The following OR5D3 variants were observed in gnomAD, a reference collection of about 807,000 sequenced individuals.
OR5D3 encodes the protein olfactory receptor family 5 subfamily D member 3.
chr11:55,727,952 G>C, the OR5D3 span: 7 of 151,938 alleles, frequency 4.6e-5, no homozygotes, highest in African/African-American at 1.5e-4. Flanking sequence ...CATTATTCAA[G>C]CATTAGTTAT....
At chr11:55,724,598 G>C in the OR5D3 span, among the ~76,000 whole-genome samples, 10 of 152,176 alleles carry the variant, frequency 6.6e-5, no homozygotes, top group African/African-American at 2.4e-4. Flanking sequence ...AAATGTGTTA[G>C]TGGTAATGAG....
the OR5D3 span, among the ~76,000 whole-genome samples, chr11:55,724,380 G>T: frequency 6.6e-6 from 1 of 152,036 alleles, no homozygotes; most frequent in Non-Finnish European, 1.5e-5. Flanking sequence ...AACCAAATCT[G>T]TAAATGATAG....
chr11:55,728,823 A>T, the OR5D3 span: 285 of 152,172 alleles, frequency 1.9e-3, 1 homozygote, highest in African/African-American at 6.6e-3. Context: ...TTAATTTTTA[A>T]CTGTAGATAA....
chr11:55,727,239 C>A, the OR5D3 span: 1 of 396,970 alleles, frequency 2.5e-6, no homozygotes, highest in Non-Finnish European at 4.4e-6. Context: ...ATTATGATAA[C>A]CCTCCAACTG....
chr11:55,726,089 C>T, the OR5D3 span: 1 of 396,488 alleles, frequency 2.5e-6, no homozygotes, highest in Non-Finnish European at 4.4e-6. Context: ...ACAGTGGAAA[C>T]CTAGAATTTT....
chr11:55,726,953 C>T, the OR5D3 span: 2 of 400,276 alleles, frequency 5.0e-6, no homozygotes, highest in Middle Eastern at 6.3e-4. Flanking sequence ...CACCTGACCG[C>T]CATTACCATT....
At chr11:55,726,753 G>A in the OR5D3 span, 9 of 398,968 alleles carry the variant, frequency 2.3e-5, no homozygotes, top group East Asian at 2.1e-4. Flanking sequence ...TTGTCTGTGA[G>A]CACGCTGCCA....
chr11:55,727,938 C>T, the OR5D3 span: 11 of 151,930 alleles, frequency 7.2e-5, no homozygotes, highest in Non-Finnish European at 1.3e-4. Flanking sequence ...AGATAATACA[C>T]ATACATTATT....
chr11:55,728,234 C>T, the OR5D3 span: 14 of 141,220 alleles, frequency 9.9e-5, no homozygotes, highest in African/African-American at 3.7e-4. Context: ...TTGGGTCTCA[C>T]CTGTTAACAT....
At chr11:55,724,605 T>A in the OR5D3 span, among the ~76,000 whole-genome samples, 2 of 152,112 alleles carry the variant, frequency 1.3e-5, no homozygotes, top group Non-Finnish European at 2.9e-5. Context: ...TTAGTGGTAA[T>A]GAGATTGAGT....
chr11:55,725,439 T>C, the OR5D3 span, among the ~76,000 whole-genome samples: 1 of 152,102 alleles, frequency 6.6e-6, no homozygotes, highest in Admixed American at 6.5e-5. Context: ...TACTCAGTAC[T>C]TTCATGTTTA....
chr11:55,724,915 G>T, the OR5D3 span, among the ~76,000 whole-genome samples: 2,008 of 152,040 alleles, frequency 0.013, 13 homozygotes, highest in Middle Eastern at 0.031. Flanking sequence ...GGGAACTAGA[G>T]AAAGCTATTG....
the OR5D3 span, among the ~76,000 whole-genome samples, chr11:55,724,257 C>T: frequency 6.6e-6 from 1 of 151,796 alleles, no homozygotes; most frequent in African/African-American, 2.4e-5. Context: ...TCATTCGGCT[C>T]CCACCATGTA....
At chr11:55,726,067 T>C in the OR5D3 span, 3 of 395,566 alleles carry the variant, frequency 7.6e-6, no homozygotes, top group Non-Finnish European at 1.3e-5. Context: ...CTCTACCTTT[T>C]GAAATAATTT....
At chr11:55,726,654 A>G in the OR5D3 span, 4 of 400,094 alleles carry the variant, frequency 1.0e-5, no homozygotes, top group Non-Finnish European at 1.8e-5. Context: ...TAGTGGCTGC[A>G]TCATACTCTT....
At chr11:55,726,952 G>T in the OR5D3 span, 1 of 400,178 alleles carries the variant, frequency 2.5e-6, no homozygotes, top group Admixed American at 4.4e-5. Flanking sequence ...CCACCTGACC[G>T]CCATTACCAT....
At chr11:55,727,275 T>C in the OR5D3 span, 1 of 395,502 alleles carries the variant, frequency 2.5e-6, no homozygotes, top group Non-Finnish European at 4.5e-6. Context: ...TTCACACTGA[T>C]GTTTAGTAAA....
chr11:55,728,808 T>G, the OR5D3 span: 1 of 152,084 alleles, frequency 6.6e-6, no homozygotes, highest in South Asian at 2.1e-4. Context: ...AACAGAGGAT[T>G]TACTTTAATT....
the OR5D3 span, chr11:55,726,959 C>G: frequency 2.5e-6 from 1 of 400,322 alleles, no homozygotes; most frequent in Non-Finnish European, 4.4e-6. Context: ...ACCGCCATTA[C>G]CATTTTCCAT....
Sources: allele counts gnomAD v4.1 joint callset (sites outside exome capture counted in the v4.1 genomes callset), GRCh38; gene constraint gnomAD v4.1.1; transcripts MANE v1.5; gene names NCBI Gene and HGNC (gene_info 2026-07-23, HGNC 2026-07-21).